Variants in HS3ST4 observed in about 807,000 individuals in gnomAD.
The protein encoded by HS3ST4 is heparan sulfate-glucosamine 3-sulfotransferase 4, also known as heparan sulfate glucosamine 3-O-sulfotransferase 4.
HS3ST4 carries 17 observed loss-of-function variants against 29.2 expected under a neutral mutation model. That is an observed-to-expected ratio of 0.58 (90% CI 0.40 to 0.87). The LOEUF (loss-of-function observed/expected upper bound fraction) is 0.87, where lower values mean the gene tolerates loss of function less well. HS3ST4 is among the 40% of genes least tolerant of loss of function. The pLI is 0.00. For missense variants in HS3ST4, 627 were observed against 634.5 expected (o/e 0.99, Z 0.13); for synonymous variants, 314 against 285.7 (o/e 1.10, Z -1.00).
chr16:25,700,037 A>C (rs7188668), intron 1 of HS3ST4, among the ~76,000 whole-genome samples: 44,767 of 151,968 alleles, frequency 0.29, 6,686 homozygotes, highest in South Asian at 0.41. Flanking sequence ...CCTAAAGAGA[A>C]AGCTGTAATG....
In HS3ST4 at chr16:25,715,981, A is replaced by C. The variant is rs568313558; in HGVS notation, c.734+22830A>C. Among the ~76,000 whole-genome samples the C allele has an allele frequency of 4.6e-5, 7 of 152,324 alleles. No individual in the cohort carries two copies. The South Asian group carries it at 1.5e-3, about 32-fold the overall frequency. ...AGCTCCTCTTCCATCGTGGCAGGGA[A>C]AGAGGTCAGGGGGATCCTGAGCAGG... On this transcript the variant is annotated intron_variant, in intron 1 of 1. Coordinates refer to ENST00000331351, the MANE Select transcript of HS3ST4 (RefSeq NM_006040.3).
At chr16:26,119,660 C>A (rs982251311) in intron 1 of HS3ST4, among the ~76,000 whole-genome samples, 4 of 152,158 alleles carry the variant, frequency 2.6e-5, no homozygotes, top group African/African-American at 9.7e-5. Context: ...CTTTCACCCA[C>A]CTTTTTATTC....
At chr16:25,724,177 T>C (rs1966516299) in intron 1 of HS3ST4, among the ~76,000 whole-genome samples, 1 of 151,110 alleles carries the variant, frequency 6.6e-6, no homozygotes, top group Non-Finnish European at 1.5e-5. Context: ...AATATAAACA[T>C]TTTGAGCCAG....
At chr16:25,927,322 G>A (rs997817947) in intron 1 of HS3ST4, among the ~76,000 whole-genome samples, 1 of 152,186 alleles carries the variant, frequency 6.6e-6, no homozygotes, top group Non-Finnish European at 1.5e-5. Flanking sequence ...TGGGAATGTT[G>A]GAAGCAAAGA....
chr16:26,031,227 G>C (rs999338712), intron 1 of HS3ST4, among the ~76,000 whole-genome samples: 1 of 152,032 alleles, frequency 6.6e-6, no homozygotes, highest in African/African-American at 2.4e-5. Flanking sequence ...GTGAGCAGAG[G>C]AGCTGAAGCG....
chr16:25,909,589 A>G (rs2141677429), intron 1 of HS3ST4, among the ~76,000 whole-genome samples: 1 of 151,790 alleles, frequency 6.6e-6, no homozygotes, highest in South Asian at 2.1e-4. Flanking sequence ...TAGGGAACAT[A>G]GCCTGCCATC....
intron 1 of HS3ST4, among the ~76,000 whole-genome samples, chr16:25,709,635 CCT>C (rs1369038812): frequency 8.6e-5 from 13 of 151,932 alleles, no homozygotes; most frequent in African/African-American, 3.1e-4. Flanking sequence ...TCAAAATCTC[CCT>C]GTCTAGGTCT....
intron 1 of HS3ST4, among the ~76,000 whole-genome samples, chr16:25,904,731 G>A (rs1256179087): frequency 2.0e-5 from 3 of 152,112 alleles, no homozygotes; most frequent in Non-Finnish European, 1.5e-5. Context: ...GTTAGTAACT[G>A]TGCATCTCTG....
chr16:25,899,937 T>A (rs1399307731), intron 1 of HS3ST4, among the ~76,000 whole-genome samples: 2 of 152,102 alleles, frequency 1.3e-5, no homozygotes, highest in African/African-American at 4.8e-5. Context: ...GGAGCACACA[T>A]CCCATTAGGA....
chr16:25,784,312 A>G (rs1367174864), intron 1 of HS3ST4, among the ~76,000 whole-genome samples: 2 of 152,334 alleles, frequency 1.3e-5, no homozygotes, highest in Admixed American at 1.3e-4. Flanking sequence ...AGTGAAAGGA[A>G]GAATCTCATG....
At chr16:26,001,838 C>T (rs181455838) in intron 1 of HS3ST4, among the ~76,000 whole-genome samples, 175 of 151,842 alleles carry the variant, frequency 1.2e-3, no homozygotes, top group Middle Eastern at 6.8e-3. Flanking sequence ...AGGGAGACAA[C>T]CTGGAAGGGG....
chr16:25,962,998 G>A (rs1173222634), intron 1 of HS3ST4, among the ~76,000 whole-genome samples: 4 of 152,154 alleles, frequency 2.6e-5, no homozygotes, highest in Admixed American at 6.5e-5. Context: ...GTAGAGGAAG[G>A]TGTATTTATA....
At chr16:25,965,053 C>T (rs546563086) in intron 1 of HS3ST4, among the ~76,000 whole-genome samples, 1 of 152,216 alleles carries the variant, frequency 6.6e-6, no homozygotes, top group Admixed American at 6.5e-5. Context: ...CACATGTTCA[C>T]GCGAGACATT....
chr16:25,856,613 A>G (rs766473437), intron 1 of HS3ST4, among the ~76,000 whole-genome samples: 10 of 152,188 alleles, frequency 6.6e-5, no homozygotes, highest in African/African-American at 2.4e-4. Context: ...TGGGCCATAC[A>G]TAAAATACAC....
At chr16:25,938,475 T>C (rs1219763300) in intron 1 of HS3ST4, among the ~76,000 whole-genome samples, 1 of 152,126 alleles carries the variant, frequency 6.6e-6, no homozygotes, top group East Asian at 1.9e-4. Flanking sequence ...CTCGCACATC[T>C]ATCTCTTGCT....
At chr16:26,002,355 C>T (rs1394570865) in intron 1 of HS3ST4, among the ~76,000 whole-genome samples, 1 of 151,942 alleles carries the variant, frequency 6.6e-6, no homozygotes, top group Non-Finnish European at 1.5e-5. Flanking sequence ...TAATGGATTA[C>T]CCCAGAGCAC....
At chr16:25,744,163 A>G (rs1444554241) in intron 1 of HS3ST4, among the ~76,000 whole-genome samples, 1 of 152,242 alleles carries the variant, frequency 6.6e-6, no homozygotes, top group Admixed American at 6.5e-5. Flanking sequence ...TTATTAATGT[A>G]ACCTGACAAT....
rs146708483 is a variant in HS3ST4 at position 25,910,412 on chromosome 16, G to A, written c.734+217261G>A. Among the ~76,000 whole-genome samples, 1,457 of 152,092 alleles carry A rather than the reference G, an allele frequency of 9.6e-3. 26 individuals carry two copies. The highest frequency in any genetic ancestry group is 0.034 in the African/African-American group (1,401 of 41,502). On this transcript the variant is annotated intron_variant, in intron 1 of 1. Coordinates refer to ENST00000331351, the MANE Select transcript of HS3ST4 (RefSeq NM_006040.3). ...TCCCAGCACTTTGGGAGGCCGAGGC[G>A]GGCAGATCACCTGAGGTCAGGAGTT...
At chr16:25,889,856 G>A (rs1967990576) in intron 1 of HS3ST4, among the ~76,000 whole-genome samples, 1 of 152,100 alleles carries the variant, frequency 6.6e-6, no homozygotes, top group Non-Finnish European at 1.5e-5. Flanking sequence ...CTGATAGTGA[G>A]TAAGTCTCAT....
Sources: allele counts gnomAD v4.1 joint callset (sites outside exome capture counted in the v4.1 genomes callset), GRCh38; gene constraint gnomAD v4.1.1; transcripts MANE v1.5; gene names NCBI Gene and HGNC (gene_info 2026-07-23, HGNC 2026-07-21).